Variants in GRIP1 observed in about 807,000 individuals in gnomAD.
The protein encoded by GRIP1 is glutamate receptor-interacting protein 1.
In GRIP1, 45 loss-of-function variants were observed where a neutral mutation model predicts 129.9. That is an observed-to-expected ratio of 0.35 (90% CI 0.27 to 0.44). GRIP1 has a LOEUF of 0.44. Ranked by LOEUF, GRIP1 falls within the 20% of genes least tolerant of loss-of-function variation. The pLI is 1.00. For synonymous variants in GRIP1, 530 were observed against 520.8 expected (o/e 1.02, Z -0.24); for missense variants, 1,196 against 1,396.8 (o/e 0.86, Z 2.29).
intron 1 of GRIP1, among the ~76,000 whole-genome samples, chr12:66,995,125 C>T (rs1423618133): frequency 2.7e-5 from 4 of 150,684 alleles, no homozygotes; most frequent in African/African-American, 7.3e-5. Context: ...GGTTCTAGTA[C>T]AACTGGATAT....
intron 1 of GRIP1, among the ~76,000 whole-genome samples, chr12:66,896,233 G>A (rs1324566753): frequency 1.3e-5 from 2 of 152,146 alleles, no homozygotes; most frequent in African/African-American, 2.4e-5. Flanking sequence ...TCTAAATTCA[G>A]TTTGAGGTTG....
chr12:66,859,260 A>T (rs12815146), intron 1 of GRIP1, among the ~76,000 whole-genome samples: 1 of 68,236 alleles, frequency 1.5e-5, no homozygotes, highest in Non-Finnish European at 3.5e-5. Flanking sequence ...ACATTTTCTG[A>T]AAAAAAACAA....
In GRIP1 at chr12:66,349,154, T is replaced by A; in HGVS notation, c.3252A>T (p.Arg1084Ser). The change falls in exon 25 of 25, where the codon AGA becomes AGT. Residue 1084 changes from arginine to serine, a missense_variant. Physicochemically the swap from Arg to Ser is moderately radical, Grantham distance 110. This residue lies in a region of GRIP1 where 427 missense variants were observed against 463.3 expected (regional missense o/e 0.92). Transcript: ENST00000359742. ...TAGACTTCTGTGAAGCCAGTGGGTT[T>A]CTACTAATAACCAGGTCCAGCTTAT... ...SGNKLDLVISRNPLASQKSID... is the reference protein window; with the variant it reads ...SGNKLDLVISSNPLASQKSID... 6.2e-7 allele frequency: 1 copy of A among 1,614,026 alleles called. No homozygotes were observed. The highest frequency in any genetic ancestry group is 8.5e-7 in the Non-Finnish European group (1 of 1,179,874).
chr12:66,397,269 T>C (rs1005664370), intron 16 of GRIP1, among the ~76,000 whole-genome samples: 58 of 152,104 alleles, frequency 3.8e-4, no homozygotes, highest in Admixed American at 3.7e-3. Context: ...CCCAGCACTT[T>C]GGGAGGCCAA....
intron 2 of GRIP1, among the ~76,000 whole-genome samples, chr12:66,565,953 A>G (rs2062740730): frequency 2.0e-5 from 3 of 152,100 alleles, no homozygotes; most frequent in African/African-American, 7.2e-5. Context: ...AATGCTTGTG[A>G]TTTTTGTACA....
chr12:66,804,040 G>A (rs2038931052), intron 1 of GRIP1: 3 of 446,920 alleles, frequency 6.7e-6, no homozygotes, highest in South Asian at 4.8e-5. Flanking sequence ...GGAGGATGGA[G>A]AGAAGCGCTT....
intron 11 of GRIP1, among the ~76,000 whole-genome samples, chr12:66,451,709 G>A (rs12316089): frequency 5.3e-5 from 8 of 151,972 alleles, no homozygotes; most frequent in Non-Finnish European, 1.0e-4. Flanking sequence ...TGTAATCTAA[G>A]ACTTCTGTCT....
intron 1 of GRIP1, among the ~76,000 whole-genome samples, chr12:66,809,219 C>T (rs1325201392): frequency 6.6e-6 from 1 of 152,158 alleles, no homozygotes; most frequent in East Asian, 1.9e-4. Flanking sequence ...TCTTCATCCC[C>T]TTTTAGGAAA....
At chr12:66,701,161 T>C (rs543415318) in intron 1 of GRIP1, among the ~76,000 whole-genome samples, 6 of 152,184 alleles carry the variant, frequency 3.9e-5, no homozygotes, top group African/African-American at 1.2e-4. Context: ...ACATCCATTA[T>C]GGTCCTACTC....
chr12:66,358,305 T>C (rs2054589420), intron 23 of GRIP1, among the ~76,000 whole-genome samples: 1 of 152,210 alleles, frequency 6.6e-6, no homozygotes, highest in Admixed American at 6.5e-5. Flanking sequence ...TTTGATAGGA[T>C]CCATTGGTTT....
intron 23 of GRIP1, among the ~76,000 whole-genome samples, chr12:66,368,715 G>C (rs561836062): frequency 6.6e-6 from 1 of 152,136 alleles, no homozygotes; most frequent in Non-Finnish European, 1.5e-5. Flanking sequence ...AGTACCCCAG[G>C]GGAAGAGAGC....
intron 2 of GRIP1, among the ~76,000 whole-genome samples, chr12:66,573,303 A>G (rs7968255): frequency 0.28 from 42,022 of 151,814 alleles, 6,072 homozygotes; most frequent in African/African-American, 0.33. Flanking sequence ...CGAGACTGCT[A>G]TTCTATTTGA....
intron 1 of GRIP1, among the ~76,000 whole-genome samples, chr12:66,844,584 C>T (rs2039779744): frequency 2.0e-5 from 3 of 152,138 alleles, no homozygotes; most frequent in African/African-American, 7.2e-5. Flanking sequence ...TTATTATGTG[C>T]TTCACAATTC....
intron 1 of GRIP1, among the ~76,000 whole-genome samples, chr12:66,722,935 A>G (rs1024726719): frequency 3.9e-5 from 6 of 152,142 alleles, no homozygotes; most frequent in African/African-American, 1.4e-4. Flanking sequence ...TTATTTTGCT[A>G]AAGTTATTTT....
At chr12:66,570,684 C>T (rs1490346449) in intron 2 of GRIP1, among the ~76,000 whole-genome samples, 1 of 152,148 alleles carries the variant, frequency 6.6e-6, no homozygotes, top group Non-Finnish European at 1.5e-5. Context: ...AGGCTTCTTC[C>T]AAAGTCTTGG....
At chr12:66,482,193 A>G (rs986152871) in intron 7 of GRIP1, among the ~76,000 whole-genome samples, 2 of 152,182 alleles carry the variant, frequency 1.3e-5, no homozygotes, top group Non-Finnish European at 2.9e-5. Flanking sequence ...AAGGTGCCTG[A>G]TGCTCCCTGT....
chr12:66,485,182 C>T (rs1406571705), intron 7 of GRIP1, among the ~76,000 whole-genome samples: 1 of 152,144 alleles, frequency 6.6e-6, no homozygotes, highest in Non-Finnish European at 1.5e-5. Context: ...TATATGTTTA[C>T]CACCTCTTGT....
At chr12:66,480,556 A>G (rs2059771819) in intron 7 of GRIP1, among the ~76,000 whole-genome samples, 1 of 152,242 alleles carries the variant, frequency 6.6e-6, no homozygotes, top group Admixed American at 6.5e-5. Flanking sequence ...AATTAAAAAA[A>G]ACTAGTTTAA....
Position 66,348,747 on chromosome 12 carries a change from A to C in GRIP1, c.*272T>G. On this transcript the variant is annotated 3_prime_UTR_variant, in exon 25 of 25. Coordinates refer to ENST00000359742, the MANE Select transcript of GRIP1 (RefSeq NM_001366722.1). ...CTTGTAAAAAATTTCCTCTGATGTT[A>C]ATTGTAGAGTTGTGGGGGACGGCCT... The C allele has an allele frequency of 2.2e-6, 1 of 445,466 alleles. No individual in the cohort carries two copies. The highest frequency in any genetic ancestry group is 4.0e-6 in the Non-Finnish European group (1 of 247,824). The allele number at this position is 445,466 out of a possible 1,614,324, so 27.6% of individuals were successfully genotyped here.
Sources: allele counts gnomAD v4.1 joint callset (sites outside exome capture counted in the v4.1 genomes callset), GRCh38; gene constraint gnomAD v4.1.1; regional missense constraint gnomAD v4.1.1; transcripts MANE v1.5; gene names NCBI Gene and HGNC (gene_info 2026-07-23, HGNC 2026-07-21).